Variants in AIFM1 observed in about 807,000 individuals in gnomAD.
The protein encoded by AIFM1 is apoptosis-inducing factor 1, mitochondrial.
AIFM1 carries 3 observed loss-of-function variants against 51.7 expected under a neutral mutation model. The observed-to-expected ratio is 0.06, with a 90% confidence interval of 0.03 to 0.15. The LOEUF (loss-of-function observed/expected upper bound fraction) is 0.15, where lower values mean the gene tolerates loss of function less well. AIFM1 is among the 10% of genes least tolerant of loss of function. The pLI is 1.00. For synonymous variants in AIFM1, 178 were observed against 179.4 expected, an observed-to-expected ratio of 0.99 and a Z score of 0.06; for missense variants, 330 against 476.8, an observed-to-expected ratio of 0.69 and a Z score of 2.87.
chrX:130,154,154 T>C (rs2031089949), intron 2 of AIFM1, among the ~76,000 whole-genome samples: 1 of 112,447 alleles, frequency 8.9e-6, no homozygotes, highest in African/African-American at 3.2e-5. Flanking sequence ...AGCTTTATTA[T>C]TACCAGTGTT....
In AIFM1 at chrX:130,130,060, G is replaced by A. The variant is rs776215622; in HGVS notation, c.1680C>T (p.Tyr560=). The part of the protein sequence containing the change: ...VPQAPVQGED[Y]GKGVIFYLRD... ...TGAGGTAGAAGATGACACCTTTGCC[G>A]TAGTCCTCCCCCTGGACGGGAGCCT... Residue 560 remains tyrosine, a synonymous_variant, in exon 15 of 16, where the codon TAC becomes TAT. Coordinates refer to ENST00000287295, the MANE Select transcript of AIFM1 (RefSeq NM_004208.4). 8.3e-6 allele frequency: 10 copies of A among 1,209,851 alleles called. No individual in the cohort carries two copies. The highest frequency in any genetic ancestry group is 6.6e-5 in the Admixed American group (3 of 45,678).
At chrX:130,132,548 CT>C (rs1166444028) in intron 13 of AIFM1, among the ~76,000 whole-genome samples, 1 of 111,689 alleles carries the variant, frequency 9.0e-6, no homozygotes, top group Non-Finnish European at 1.9e-5. Context: ...CTCCACTTTT[CT>C]TTTTTTTAAC....
chrX:130,165,458 T>C (rs1310227374), intron 1 of AIFM1, 93 bp downstream of exon 1: 1 of 755,190 alleles, frequency 1.3e-6, no homozygotes, highest in African/African-American at 2.1e-5. Context: ...GTTAAGTTTC[T>C]CGCGGGGACG....
chrX:130,165,383 C>A (rs2031495768), intron 1 of AIFM1, among the ~76,000 whole-genome samples, 168 bp downstream of exon 1: 2 of 112,283 alleles, frequency 1.8e-5, no homozygotes, highest in South Asian at 7.5e-4. Flanking sequence ...CATGGCTGAG[C>A]CAATTCCTCC....
chrX:130,137,308 C>T (rs993869709), intron 9 of AIFM1, 123 bp from the exon 10 acceptor site: 6 of 1,182,482 alleles, frequency 5.1e-6, no homozygotes, highest in Middle Eastern at 2.4e-4. Flanking sequence ...CAATCCAGGC[C>T]GAGCGCCCAC....
Position 130,147,415 on chromosome X carries a change from A to G in AIFM1, c.605+78T>C, listed in dbSNP as rs1421865210. On this transcript the variant is annotated intron_variant, in intron 5 of 15. Coordinates refer to ENST00000287295, the MANE Select transcript of AIFM1 (RefSeq NM_004208.4). ...CAAGCCATCCCTCCTATTACTGTACACAGTCAGTGGCAAAATCCTAACCTA... is the reference window on the plus strand; with the variant it reads ...CAAGCCATCCCTCCTATTACTGTACGCAGTCAGTGGCAAAATCCTAACCTA... 3 of 1,169,746 alleles carry G rather than the reference A, an allele frequency of 2.6e-6. No homozygotes were observed. In the African/African-American group the frequency reaches 5.3e-5, roughly 21 times the overall value.
rs1037918242 is a variant in AIFM1 at position 130,155,013 on chromosome X, G to C, written c.249+1448C>G. 1.9e-5 allele frequency: 15 copies of C among 773,856 alleles called. No individual in the cohort carries two copies. The Admixed American group carries it at 3.3e-4, about 17-fold the overall frequency. 63.8% of individuals were successfully genotyped at this position (773,856 alleles called of 1,213,427 possible). ...AAGAATGAGATTTGAGGACTCTCTA[G>C]TGACTGACAATGTCCCTTTAATAAA... On this transcript the variant is annotated intron_variant, in intron 2 of 15. Transcript: ENST00000287295.
At position 130,149,384 on chromosome X, in the gene AIFM1, A is replaced by G. The variant is rs918397397; in HGVS notation, c.349+85T>C. On this transcript the variant is annotated intron_variant, in intron 3 of 15. Coordinates refer to ENST00000287295, the MANE Select transcript of AIFM1 (RefSeq NM_004208.4). ...CTCATACCACCATTGCTTCTACAAG[A>G]CATCCATAAATCACAGCACCCAAAC... 6 of 760,784 alleles carry G rather than the reference A, an allele frequency of 7.9e-6. No homozygotes were observed. The African/African-American group carries it at 1.2e-4, about 16-fold the overall frequency. 62.7% of individuals were successfully genotyped at this position (760,784 alleles called of 1,213,427 possible).
intron 5 of AIFM1, 121 bp downstream of exon 5, chrX:130,147,372 T>C: frequency 1.1e-6 from 1 of 887,221 alleles, no homozygotes. Context: ...TGGACCACAG[T>C]AGACTCTAGT....
At chrX:130,143,696 C>CA (rs11390300) in intron 6 of AIFM1, among the ~76,000 whole-genome samples, 47,166 of 99,614 alleles carry the variant, frequency 0.47, 8,877 homozygotes, top group African/African-American at 0.63. Context: ...ACTAAAAAGA[C>CA]AAAAAAAAAA....
chrX:130,136,253 G>A (rs1012677198), intron 11 of AIFM1, 68 bp from the exon 12 acceptor site: 7 of 1,124,100 alleles, frequency 6.2e-6, no homozygotes, highest in Non-Finnish European at 8.5e-6. Flanking sequence ...GCGTAACAAT[G>A]GCCCTTCATG....
intron 8 of AIFM1, 68 bp downstream of exon 8, chrX:130,139,727 T>C: frequency 1.8e-6 from 2 of 1,084,801 alleles, no homozygotes; most frequent in South Asian, 1.8e-5. Flanking sequence ...GGGTGGGCAC[T>C]TGGGGACTGC....
Position 130,130,163 on chromosome X carries a change from G to A in AIFM1, c.1577C>T (p.Thr526Ile). 8.3e-7 allele frequency: 1 copy of A among 1,211,800 alleles called. No individual in the cohort carries two copies. The highest frequency in any genetic ancestry group is 1.1e-6 in the Non-Finnish European group (1 of 895,377). The change falls in exon 15 of 16, where the codon ACT becomes ATT. Residue 526 changes from threonine to isoleucine, a missense_variant. Coordinates refer to ENST00000287295, the MANE Select transcript of AIFM1 (RefSeq NM_004208.4). Reference sequence around the variant, plus strand: ...TGTCTCACTCTCTGATCGGATACCAGTTCCTGTGGCCAGCCCCCAAAACAA... The same window carrying A: ...TGTCTCACTCTCTGATCGGATACCAATTCCTGTGGCCAGCCCCCAAAACAA... ...NPKSATEQSG[T>I]GIRSESETES...
At chrX:130,141,362 C>T (rs1009430816) in intron 6 of AIFM1, among the ~76,000 whole-genome samples, 13 of 111,405 alleles carry the variant, frequency 1.2e-4, no homozygotes, top group East Asian at 2.8e-4. Flanking sequence ...GTCCCAAAGC[C>T]CTGACCCATG....
chrX:130,129,948 A>T lies in AIFM1; in HGVS notation c.1770+22T>A, dbSNP rs757328248. ...TAAGCCGTACTTCCCATCTTCCTCT[A>T]AGAGTTATGACAGGCACCTACCTTC... On this transcript the variant is annotated intron_variant, in intron 15 of 15. Transcript: ENST00000287295. 11 of 1,207,046 alleles carry T rather than the reference A, an allele frequency of 9.1e-6. No individual in the cohort carries two copies. In the East Asian group the frequency reaches 3.0e-4, roughly 32 times the overall value.
At chrX:130,133,487 G>T (rs1392836761) in intron 12 of AIFM1, 32 bp from the exon 13 acceptor site, 2 of 1,162,520 alleles carry the variant, frequency 1.7e-6, no homozygotes, top group Non-Finnish European at 1.2e-6. Flanking sequence ...ATGAACACAT[G>T]ATAAAAAAAA....
At chrX:130,158,933 G>A (rs965981127) in intron 1 of AIFM1, among the ~76,000 whole-genome samples, 3 of 110,486 alleles carry the variant, frequency 2.7e-5, no homozygotes, top group East Asian at 2.8e-4. Flanking sequence ...CTTTCATAAC[G>A]TTAGGCCACA....
chrX:130,148,480 C>G lies in AIFM1; in HGVS notation c.350-604G>C, dbSNP rs376479065. 5.6e-4 allele frequency among the ~76,000 whole-genome samples: 63 copies of G among 111,567 alleles called. 3 individuals are homozygous for G. The East Asian group carries it at 6.7e-3, about 12-fold the overall frequency. On this transcript the variant is annotated intron_variant, in intron 3 of 15. Coordinates refer to ENST00000287295, the MANE Select transcript of AIFM1 (RefSeq NM_004208.4). ...AGGAAAGCAAATATACCTTTAGCAA[C>G]TCGAAACTGCAAAGACTCAAAAGGG...
chrX:130,129,635 G>A lies in AIFM1; in HGVS notation c.1771-7C>T. 8.3e-7 allele frequency: 1 copy of A among 1,204,831 alleles called. No individual in the cohort carries two copies. Among genetic ancestry groups the A allele is most frequent in the Non-Finnish European group, 1.1e-6 (1 of 889,440 alleles). ...GCTCACCGTCCTTAATGATCTGAGG[G>A]AGAGAGAGTAACAATAGGTCCCTAA... is the stretch of plus-strand genomic sequence containing the variant. On this transcript the variant is annotated splice_polypyrimidine_tract_variant and splice_region_variant and intron_variant, in intron 15 of 15. Coordinates refer to ENST00000287295, the MANE Select transcript of AIFM1 (RefSeq NM_004208.4).
Sources: allele counts gnomAD v4.1 joint callset (sites outside exome capture counted in the v4.1 genomes callset), GRCh38; gene constraint gnomAD v4.1.1; transcripts MANE v1.5; gene names NCBI Gene and HGNC (gene_info 2026-07-23, HGNC 2026-07-21).